HK2: variants seen among roughly 807,000 people sequenced by gnomAD.
The protein encoded by HK2 is hexokinase 2.
In HK2, 42 loss-of-function variants were observed where a neutral mutation model predicts 92.9. That is an observed-to-expected ratio of 0.45 (90% CI 0.35 to 0.58). The LOEUF (loss-of-function observed/expected upper bound fraction) is 0.58, where lower values mean the gene tolerates loss of function less well. Among genes scored for constraint, HK2 ranks in the 20% least tolerant of loss-of-function variants. The pLI is 0.00. For missense variants in HK2, 978 were observed against 1,245.1 expected (o/e 0.79, Z 3.23); for synonymous variants, 422 against 468.0 (o/e 0.90, Z 1.27).
At chr2:74,852,021 C>T (rs994706240) in intron 1 of HK2, among the ~76,000 whole-genome samples, 4 of 152,334 alleles carry the variant, frequency 2.6e-5, no homozygotes, top group African/African-American at 7.2e-5. Context: ...TCAAGCCAAA[C>T]GTGGCCCCTC....
chr2:74,888,148 G>A, intron 16 of HK2, 90 bp downstream of exon 16: 1 of 1,417,614 alleles, frequency 7.1e-7, no homozygotes, highest in Non-Finnish European at 9.9e-7. Flanking sequence ...CTCAGGGCAT[G>A]ACTCATACAA....
rs570580396 is a variant in HK2, at chr2:74,834,357, G to A, written c.-224G>A. 425 of 612,122 alleles carry A rather than the reference G, an allele frequency of 6.9e-4. 8 individuals are homozygous for A. The South Asian group carries it at 7.7e-3, about 11-fold the overall frequency. The allele number at this position is 612,122 out of a possible 1,614,324, so 37.9% of individuals were successfully genotyped here. ...GGACACGTCGCCAGGAGAGAACTGA[G>A]GCGCCTTCTAGCAGTTGTGACGCCA... On this transcript the variant is annotated 5_prime_UTR_variant, in exon 1 of 18. Coordinates refer to ENST00000290573, the MANE Select transcript of HK2 (RefSeq NM_000189.5). The surrounding 1 kb of genome is among the most constrained non-coding windows in gnomAD (Gnocchi z 4.2).
In HK2 at chr2:74,891,729, T is replaced by C. The variant is rs3732295; in HGVS notation, c.*788T>C. 0.56 allele frequency: 84,959 copies of C among 151,274 alleles called. 23,864 individuals are homozygous for C. Among genetic ancestry groups the C allele is most frequent in the Middle Eastern group, 0.76 (223 of 294 alleles). 9.4% of individuals were successfully genotyped at this position (151,274 alleles called of 1,614,324 possible). On this transcript the variant is annotated 3_prime_UTR_variant, in exon 18 of 18. Coordinates refer to ENST00000290573, the MANE Select transcript of HK2 (RefSeq NM_000189.5). ...TGGAATCACTGTATTTTCATTTTAA[T>C]TTATATTTGAAATTTTATTTAGTTC...
At chr2:74,841,549 T>C (rs1688316017) in intron 1 of HK2, among the ~76,000 whole-genome samples, 1 of 152,096 alleles carries the variant, frequency 6.6e-6, no homozygotes, top group African/African-American at 2.4e-5. Context: ...GAGCCCTGAG[T>C]TGTCAACAGT....
intron 9 of HK2, 119 bp from the exon 10 acceptor site, chr2:74,880,146 A>T: frequency 9.4e-7 from 1 of 1,067,770 alleles, no homozygotes; most frequent in East Asian, 2.4e-5. Flanking sequence ...TTAGGGCAGC[A>T]CCCACTCCTG....
intron 1 of HK2, among the ~76,000 whole-genome samples, chr2:74,845,204 G>T (rs769309887): frequency 1.3e-5 from 2 of 152,222 alleles, no homozygotes; most frequent in Non-Finnish European, 2.9e-5. Context: ...CTGTCAGTTT[G>T]TAATTACTTG....
chr2:74,872,568 A>C, intron 4 of HK2, 149 bp downstream of exon 4: 1 of 553,498 alleles, frequency 1.8e-6, no homozygotes, highest in Non-Finnish European at 3.2e-6. Context: ...GTGTATGTCG[A>C]TGGGGGGGCT....
rs1689716355 is a variant in HK2 at position 74,892,946 on chromosome 2, A to AGT, written c.*2006_*2007dup. On this transcript the variant is annotated 3_prime_UTR_variant, in exon 18 of 18. Transcript: ENST00000290573. ...AGCCAAAAGGTTTCATGTAGATTTT[A>AGT]GTTCACTAAAGGGTGCCCACAAAAT... 6.6e-6 allele frequency: 1 copy of AGT among 152,088 alleles called. No homozygotes were observed. The highest frequency in any genetic ancestry group is 1.5e-5 in the Non-Finnish European group (1 of 68,018). The allele number at this position is 152,088 out of a possible 1,614,324, so 9.4% of individuals were successfully genotyped here.
At chr2:74,872,461 G>T (rs780340672) in intron 4 of HK2, 42 bp downstream of exon 4, 1 of 1,612,546 alleles carries the variant, frequency 6.2e-7, no homozygotes, top group Non-Finnish European at 8.5e-7. Flanking sequence ...CACTCTTGGG[G>T]CTGGGAGGGC....
chr2:74,836,277 C>T (rs1466188364), intron 1 of HK2, among the ~76,000 whole-genome samples: 2 of 152,162 alleles, frequency 1.3e-5, no homozygotes, highest in African/African-American at 4.8e-5. Flanking sequence ...TACTCTTCCT[C>T]AATCCAGAGG....
At chr2:74,846,197 TTGTG>T (rs550086425) in intron 1 of HK2, among the ~76,000 whole-genome samples, 166 of 152,346 alleles carry the variant, frequency 1.1e-3, no homozygotes, top group African/African-American at 3.9e-3. Flanking sequence ...CTGGAAGTCT[TTGTG>T]TGGCCAGATT....
At chr2:74,873,817 T>C in intron 5 of HK2, 27 bp from the exon 6 acceptor site, 4 of 1,549,940 alleles carry the variant, frequency 2.6e-6, no homozygotes, top group Non-Finnish European at 3.6e-6. Context: ...ATGATGAAGG[T>C]CAGAGCCCTC....
Position 74,890,016 on chromosome 2 carries a change from T to C in HK2, c.2609+538T>C, listed in dbSNP as rs188239126. Among the ~76,000 whole-genome samples the C allele has an allele frequency of 3.3e-5, 5 of 152,376 alleles. No individual in the cohort carries two copies. The East Asian group carries it at 9.6e-4, about 29-fold the overall frequency. On this transcript the variant is annotated intron_variant, in intron 17 of 17. Coordinates refer to ENST00000290573, the MANE Select transcript of HK2 (RefSeq NM_000189.5). The stretch of plus-strand genomic sequence containing the variant: ...TCTAGATTTTGACCATTACAAACAG[T>C]GCTACTGTGAACATTCTGGCAAATG...
At chr2:74,840,348 G>A (rs1393520515) in intron 1 of HK2, among the ~76,000 whole-genome samples, 1 of 151,776 alleles carries the variant, frequency 6.6e-6, no homozygotes, top group Non-Finnish European at 1.5e-5. Flanking sequence ...CTTTTCCAAG[G>A]GGGGAATCAG....
intron 2 of HK2, among the ~76,000 whole-genome samples, chr2:74,859,497 T>C (rs1417550352): frequency 1.3e-5 from 2 of 152,116 alleles, no homozygotes; most frequent in Admixed American, 6.5e-5. Flanking sequence ...TCATCCTGGC[T>C]AACACGGTGA....
In HK2 at chr2:74,873,361, A is replaced by G; in HGVS notation, c.581A>G (p.Gln194Arg). The G allele has an allele frequency of 6.2e-7, 1 of 1,613,342 alleles. No individual in the cohort carries two copies. The highest frequency in any genetic ancestry group is 8.5e-7 in the Non-Finnish European group (1 of 1,179,284). Residue 194 changes from glutamine to arginine, a missense_variant, in exon 5 of 18, where the codon CAG becomes CGG. By Grantham distance (43) the Gln-to-Arg change is conservative. Transcript: ENST00000290573. ...GTGGCTCTGATCCGGAAGGCCATCC[A>G]GAGGAGAGGGGTGAGTGGGGTGGCA... is the stretch of plus-strand genomic sequence containing the variant. ...DVVALIRKAI[Q>R]RRGDFDIDIV...
intron 10 of HK2, 79 bp from the exon 11 acceptor site, chr2:74,881,632 T>G: frequency 7.1e-7 from 1 of 1,407,582 alleles, no homozygotes; most frequent in Non-Finnish European, 1.0e-6. Context: ...AATGGTGTAT[T>G]TGGATCGTTT....
rs1278675860 is a variant in HK2, at chr2:74,891,517, C to G, written c.*576C>G. On this transcript the variant is annotated 3_prime_UTR_variant, in exon 18 of 18. Transcript: ENST00000290573. ...TCTACAAGCATTTGCCCTGTGGATTCCAGCATTTGCCATTCCTGGAATCAA... is the reference window on the plus strand; with the variant it reads ...TCTACAAGCATTTGCCCTGTGGATTGCAGCATTTGCCATTCCTGGAATCAA... The G allele has an allele frequency of 6.5e-6, 1 of 153,746 alleles. No homozygotes were observed. The highest frequency in any genetic ancestry group is 1.4e-5 in the Non-Finnish European group (1 of 69,074). 9.5% of individuals were successfully genotyped at this position (153,746 alleles called of 1,614,324 possible).
chr2:74,834,212 G>A lies in HK2; in HGVS notation c.-369G>A, dbSNP rs529201237. 2.4e-5 allele frequency: 9 copies of A among 380,028 alleles called. No homozygotes were observed. The highest frequency in any genetic ancestry group is 1.5e-4 in the Admixed American group (4 of 27,006). The allele number at this position is 380,028 out of a possible 1,614,324, so 23.5% of individuals were successfully genotyped here. A position where few individuals can be genotyped will look rare whatever the true frequency, so the allele number is the denominator to read the frequency against. On this transcript the variant is annotated 5_prime_UTR_variant, in exon 1 of 18. Transcript: ENST00000290573. This position sits in a 1 kb window ranked among gnomAD's most constrained non-coding sequence, Gnocchi z 4.2. ...CCCAGCTAAGAAAATCCGCGGGCCCGAGCCACGCGCCTGTGAATCGGAGAG... is the reference window on the plus strand; with the variant it reads ...CCCAGCTAAGAAAATCCGCGGGCCCAAGCCACGCGCCTGTGAATCGGAGAG...
Sources: gnomAD v4.1 joint callset for allele counts (sites outside exome capture counted in the v4.1 genomes callset) on GRCh38, gnomAD v4.1.1 for gene constraint, Gnocchi (gnomAD v3.1) non-coding constraint, MANE v1.5 for transcripts, NCBI Gene and HGNC (gene_info 2026-07-23, HGNC 2026-07-21) for gene names.